The following EEFSEC variants were observed in gnomAD, a reference collection of about 807,000 sequenced individuals.
EEFSEC encodes the protein selenocysteine-specific elongation factor.
In EEFSEC, 43 loss-of-function variants were observed where a neutral mutation model predicts 42.1. The observed-to-expected ratio is 1.02, with a 90% CI of 0.80 to 1.32. EEFSEC has a LOEUF of 1.32. Ranked by LOEUF, EEFSEC falls within the 40% of genes most tolerant of loss-of-function variation. EEFSEC has a pLI of 0.00. For synonymous variants in EEFSEC, 354 were observed against 339.1 expected (o/e 1.04, Z -0.48); for missense variants, 745 against 803.6 (o/e 0.93, Z 0.88).
chr3:128,364,063 C>T (rs914051282), intron 6 of EEFSEC, among the ~76,000 whole-genome samples: 2 of 152,078 alleles, frequency 1.3e-5, no homozygotes, highest in African/African-American at 2.4e-5. Flanking sequence ...TCTGGGAGGC[C>T]GAGGCAAGAG....
At chr3:128,281,950 TCTGGAGC>T (rs1186153050) in intron 4 of EEFSEC, among the ~76,000 whole-genome samples, 2 of 152,176 alleles carry the variant, frequency 1.3e-5, no homozygotes, top group Non-Finnish European at 2.9e-5. Flanking sequence ...CTGCTTTGGC[TCTGGAGC>T]CTGAATGGAT....
intron 1 of EEFSEC, among the ~76,000 whole-genome samples, chr3:128,185,411 T>G (rs1020501803): frequency 6.6e-6 from 1 of 152,112 alleles, no homozygotes; most frequent in Admixed American, 6.5e-5. Flanking sequence ...TTCTTTTGTG[T>G]GCAACCATAT....
chr3:128,253,757 C>T (rs2066212869), intron 2 of EEFSEC, among the ~76,000 whole-genome samples: 1 of 152,166 alleles, frequency 6.6e-6, no homozygotes, highest in African/African-American at 2.4e-5. Context: ...AAGACCTAAG[C>T]CCCGCTACTT....
chr3:128,163,186 G>C (rs1235162715), intron 1 of EEFSEC, among the ~76,000 whole-genome samples: 1 of 151,988 alleles, frequency 6.6e-6, no homozygotes, highest in Non-Finnish European at 1.5e-5. Flanking sequence ...CTATAGCTCT[G>C]GTACTCTGGG....
intron 1 of EEFSEC, among the ~76,000 whole-genome samples, chr3:128,169,248 A>G (rs1451433192): frequency 6.6e-6 from 1 of 152,194 alleles, no homozygotes; most frequent in East Asian, 1.9e-4. Flanking sequence ...CGTCCCTGGA[A>G]TGTTGGGAGG....
intron 1 of EEFSEC, among the ~76,000 whole-genome samples, chr3:128,184,743 A>G (rs985084228): frequency 6.6e-6 from 1 of 152,154 alleles, no homozygotes; most frequent in Admixed American, 6.5e-5. Context: ...CTTATCTCTT[A>G]TAGAATGAAC....
chr3:128,299,831 A>G (rs1454750576), intron 4 of EEFSEC, among the ~76,000 whole-genome samples: 1 of 152,184 alleles, frequency 6.6e-6, no homozygotes, highest in Non-Finnish European at 1.5e-5. Context: ...CGTTGCTTTC[A>G]TAGAGTTACT....
chr3:128,376,393 A>G (rs1204376040), intron 6 of EEFSEC, among the ~76,000 whole-genome samples: 1 of 152,204 alleles, frequency 6.6e-6, no homozygotes, highest in African/African-American at 2.4e-5. Flanking sequence ...GCACAGCCAC[A>G]GCCCTTCCCA....
the EEFSEC span, among the ~76,000 whole-genome samples, chr3:128,421,777 C>T: frequency 6.6e-6 from 1 of 152,182 alleles, no homozygotes; most frequent in Non-Finnish European, 1.5e-5. Context: ...CCACCTCTGG[C>T]CTGGCTGACC....
chr3:128,269,589 C>T (rs2066393106), intron 4 of EEFSEC, among the ~76,000 whole-genome samples: 1 of 152,192 alleles, frequency 6.6e-6, no homozygotes. Context: ...CAGGGCACAG[C>T]CATTCCAAAT....
At chr3:128,371,640 G>A (rs2067654830) in intron 6 of EEFSEC, among the ~76,000 whole-genome samples, 1 of 152,170 alleles carries the variant, frequency 6.6e-6, no homozygotes, top group African/African-American at 2.4e-5. Context: ...TGGGCACATG[G>A]GGAGGAGGGC....
At chr3:128,292,332 TAAAAA>T (rs1205523329) in intron 4 of EEFSEC, among the ~76,000 whole-genome samples, 1 of 152,066 alleles carries the variant, frequency 6.6e-6, no homozygotes, top group Admixed American at 6.5e-5. Flanking sequence ...TCTGGCCTCA[TAAAAA>T]GAGAAGAAGT....
intron 1 of EEFSEC, among the ~76,000 whole-genome samples, chr3:128,176,123 T>C (rs1279221477): frequency 6.6e-6 from 1 of 152,198 alleles, no homozygotes; most frequent in Non-Finnish European, 1.5e-5. Flanking sequence ...TAATATGACT[T>C]AAGTTTTAAT....
intron 1 of EEFSEC, among the ~76,000 whole-genome samples, chr3:128,194,929 T>C (rs187361219): frequency 9.2e-5 from 14 of 152,344 alleles, no homozygotes; most frequent in Admixed American, 9.1e-4. Context: ...TTTCCCAATG[T>C]TATTTTCTAA....
the EEFSEC span, among the ~76,000 whole-genome samples, chr3:128,424,298 G>C: frequency 6.6e-6 from 1 of 152,178 alleles, no homozygotes; most frequent in African/African-American, 2.4e-5. Flanking sequence ...GAGGCCAGTG[G>C]GGTTCTATGG....
At chr3:128,244,216 G>A (rs998293442) in intron 1 of EEFSEC, among the ~76,000 whole-genome samples, 1 of 152,250 alleles carries the variant, frequency 6.6e-6, no homozygotes, top group Non-Finnish European at 1.5e-5. Flanking sequence ...TCAAGACCCA[G>A]TCTCACAGCC....
intron 1 of EEFSEC, among the ~76,000 whole-genome samples, chr3:128,207,566 TACACACACACACACACACACAC>T (rs10574435): frequency 7.0e-6 from 1 of 142,490 alleles, no homozygotes; most frequent in South Asian, 2.4e-4. Flanking sequence ...ACACATTGCA[TACACACACACACACACACACAC>T]ACACACACAC....
chr3:128,347,235 T>G (rs2067322940), intron 5 of EEFSEC, among the ~76,000 whole-genome samples: 1 of 150,396 alleles, frequency 6.6e-6, no homozygotes. Flanking sequence ...TCTATAAGAG[T>G]GTGACTTGTA....
intron 4 of EEFSEC, among the ~76,000 whole-genome samples, chr3:128,335,388 C>G (rs1286126525): frequency 6.6e-6 from 1 of 152,052 alleles, no homozygotes; most frequent in East Asian, 1.9e-4. Context: ...AGGAGGGGCT[C>G]TGATACAGTG....
Sources: allele counts gnomAD v4.1 joint callset (sites outside exome capture counted in the v4.1 genomes callset), GRCh38; gene constraint gnomAD v4.1.1; transcripts MANE v1.5; gene names NCBI Gene and HGNC (gene_info 2026-07-23, HGNC 2026-07-21).